NRG1: variants seen among roughly 807,000 people sequenced by gnomAD.
The protein encoded by NRG1 is pro-neuregulin-1, membrane-bound isoform.
A neutral mutation model predicts 63.8 loss-of-function variants in NRG1; 18 were observed. That is an observed-to-expected ratio of 0.28 (90% CI 0.19 to 0.42). The LOEUF is 0.42. NRG1 is among the 10% of genes least tolerant of loss of function. The pLI is 1.00. For missense variants in NRG1, 762 were observed against 814.7 expected (o/e 0.94, Z 0.79); for synonymous variants, 302 against 301.3 (o/e 1.00, Z -0.02).
At chr8:32,594,815 G>C (rs892075697) in intron 1 of NRG1, among the ~76,000 whole-genome samples, 1 of 152,178 alleles carries the variant, frequency 6.6e-6, no homozygotes, top group African/African-American at 2.4e-5. Flanking sequence ...TTTGTTGTGA[G>C]TAGTGGTCAT....
At chr8:32,301,744 C>T (rs929483506) in intron 1 of NRG1, among the ~76,000 whole-genome samples, 5 of 152,126 alleles carry the variant, frequency 3.3e-5, no homozygotes, top group South Asian at 2.1e-4. Context: ...GAGACTCATT[C>T]GCTATCATGA....
rs1814467735 is a variant in NRG1 at position 32,408,786 on chromosome 8, G to A, written c.38-187042G>A. Among the ~76,000 whole-genome samples, 4 of 152,202 alleles carry A rather than the reference G, an allele frequency of 2.6e-5. 1 individual carries two copies. The highest frequency in any genetic ancestry group is 1.5e-5 in the Non-Finnish European group (1 of 68,014). ...TTCTGTTTATTTAGCGGGTACAAGT[G>A]CAGTTTTGTTACATGGATATAACTC... On this transcript the variant is annotated intron_variant, in intron 1 of 10. Transcript: ENST00000519301.
intron 1 of NRG1, among the ~76,000 whole-genome samples, chr8:32,328,192 G>T (rs1054841904): frequency 1.3e-5 from 2 of 152,138 alleles, no homozygotes; most frequent in African/African-American, 2.4e-5. Context: ...ATGCTGTGAG[G>T]GTGTGTGACT....
chr8:31,765,711 G>C (rs554202539), intron 1 of NRG1, among the ~76,000 whole-genome samples: 1 of 152,080 alleles, frequency 6.6e-6, no homozygotes, highest in Non-Finnish European at 1.5e-5. Context: ...CAATGTTGTG[G>C]ATAGAGAAAA....
At chr8:32,193,749 A>G (rs527240272) in intron 1 of NRG1, among the ~76,000 whole-genome samples, 6 of 152,172 alleles carry the variant, frequency 3.9e-5, no homozygotes, top group Non-Finnish European at 8.8e-5. Context: ...TAATTAAGTT[A>G]AAATGAAGTT....
chr8:32,407,470 G>T (rs1396266207), intron 1 of NRG1, among the ~76,000 whole-genome samples: 2 of 151,698 alleles, frequency 1.3e-5, no homozygotes, highest in Non-Finnish European at 2.9e-5. Flanking sequence ...CATATTAGGT[G>T]AGTCAATACT....
chr8:31,783,455 A>G (rs1028444486), intron 1 of NRG1, among the ~76,000 whole-genome samples: 1 of 152,170 alleles, frequency 6.6e-6, no homozygotes, highest in African/African-American at 2.4e-5. Flanking sequence ...GCCACTGGAA[A>G]GAGACCCCAA....
chr8:32,681,330 T>G (rs1423958738), intron 5 of NRG1, among the ~76,000 whole-genome samples: 1 of 152,178 alleles, frequency 6.6e-6, no homozygotes, highest in East Asian at 1.9e-4. Flanking sequence ...CGTGTTCTTC[T>G]TGTATCATCA....
chr8:32,720,167 A>C (rs933287273), intron 5 of NRG1, among the ~76,000 whole-genome samples: 2 of 152,148 alleles, frequency 1.3e-5, no homozygotes, highest in Non-Finnish European at 2.9e-5. Flanking sequence ...TAGCTTGTTG[A>C]ATAACTGAAT....
At chr8:32,056,397 T>G (rs529081997) in intron 1 of NRG1, among the ~76,000 whole-genome samples, 5 of 152,304 alleles carry the variant, frequency 3.3e-5, no homozygotes, top group African/African-American at 1.2e-4. Flanking sequence ...AAATGTTTAT[T>G]TTCTGCCTTT....
intron 5 of NRG1, among the ~76,000 whole-genome samples, chr8:32,691,924 A>G (rs1811816458): frequency 6.6e-6 from 1 of 152,218 alleles, no homozygotes. Flanking sequence ...GAAAGGTGAT[A>G]CTGACTTTAT....
intron 1 of NRG1, among the ~76,000 whole-genome samples, chr8:31,831,347 C>T (rs1322326219): frequency 6.6e-6 from 1 of 152,114 alleles, no homozygotes; most frequent in Non-Finnish European, 1.5e-5. Context: ...AAGTGATCTG[C>T]CCCCGTTGGC....
intron 1 of NRG1, among the ~76,000 whole-genome samples, chr8:31,736,656 C>T (rs1814698483): frequency 6.6e-6 from 1 of 151,934 alleles, no homozygotes; most frequent in Non-Finnish European, 1.5e-5. Context: ...TCTCAAATGT[C>T]TCAAGTATTA....
At chr8:32,406,551 T>A (rs1201475175) in intron 1 of NRG1, among the ~76,000 whole-genome samples, 2 of 76,496 alleles carry the variant, frequency 2.6e-5, no homozygotes, top group African/African-American at 8.8e-5. Context: ...CTAGTTTATA[T>A]ATTTATTTAA....
intron 1 of NRG1, among the ~76,000 whole-genome samples, chr8:31,857,538 G>T (rs919967170): frequency 1.3e-4 from 20 of 152,172 alleles, no homozygotes; most frequent in Admixed American, 2.6e-4. Flanking sequence ...GATGAACCCG[G>T]TACCTCAGAT....
chr8:31,659,554 G>A (rs958604100), intron 1 of NRG1, among the ~76,000 whole-genome samples: 1 of 152,070 alleles, frequency 6.6e-6, no homozygotes, highest in Non-Finnish European at 1.5e-5. Flanking sequence ...GATTGGGGTA[G>A]GAGCTTTTGG....
intron 5 of NRG1, among the ~76,000 whole-genome samples, chr8:32,689,903 A>G (rs1171525382): frequency 6.6e-6 from 1 of 152,172 alleles, no homozygotes; most frequent in Non-Finnish European, 1.5e-5. Flanking sequence ...AAAATGTGCT[A>G]GCTTCTGTTC....
At chr8:31,978,086 C>A (rs2129630195) in intron 1 of NRG1, among the ~76,000 whole-genome samples, 1 of 152,130 alleles carries the variant, frequency 6.6e-6, no homozygotes, top group South Asian at 2.1e-4. Context: ...CTAATGAATT[C>A]CTGGTTGAAT....
At chr8:32,584,302 C>T (rs1268048646) in intron 1 of NRG1, among the ~76,000 whole-genome samples, 1 of 152,040 alleles carries the variant, frequency 6.6e-6, no homozygotes, top group African/African-American at 2.4e-5. Context: ...ACTGGGAACC[C>T]TAAGATAAGG....
Sources: allele counts gnomAD v4.1 joint callset (sites outside exome capture counted in the v4.1 genomes callset), GRCh38; gene constraint gnomAD v4.1.1; transcripts MANE v1.5; gene names NCBI Gene and HGNC (gene_info 2026-07-23, HGNC 2026-07-21).